Variants in STMN4 observed in about 807,000 individuals in gnomAD.
The protein encoded by STMN4 is stathmin 4, also known as stathmin-4.
Under a neutral mutation model 29.1 loss-of-function variants are expected in STMN4, and 12 were observed. The observed-to-expected ratio is 0.41, with a 90% CI of 0.26 to 0.67. The LOEUF (loss-of-function observed/expected upper bound fraction) is 0.67. STMN4 is among the 30% of genes least tolerant of loss of function. The pLI is 0.30. For synonymous variants in STMN4, 114 were observed against 105.3 expected (o/e 1.08, Z -0.51); for missense variants, 181 against 262.8 (o/e 0.69, Z 2.15).
In STMN4 at chr8:27,236,760, G is replaced by A; in HGVS notation, c.*86C>T. On this transcript the variant is annotated 3_prime_UTR_variant, in exon 7 of 7. Transcript: ENST00000350889. The stretch of plus-strand genomic sequence containing the variant: ...CCCTCCCCCCAAACCCCAGTGCTGG[G>A]AGCGCAGCCGGCGGGCGAGGCTGCC... 3.1e-6 allele frequency: 4 copies of A among 1,302,152 alleles called. No individual in the cohort carries two copies. The South Asian group carries it at 6.5e-5, about 21-fold the overall frequency. 80.7% of individuals were successfully genotyped at this position (1,302,152 alleles called of 1,614,324 possible). A position where few individuals can be genotyped will look rare whatever the true frequency, so the allele number is the denominator to read the frequency against.
chr8:27,254,198 C>A (rs1801872869), intron 1 of STMN4, among the ~76,000 whole-genome samples: 1 of 152,106 alleles, frequency 6.6e-6, no homozygotes, highest in Non-Finnish European at 1.5e-5. Flanking sequence ...ACAGAGTCTG[C>A]CTGAAAGGTG....
intron 1 of STMN4, among the ~76,000 whole-genome samples, chr8:27,244,064 G>C (rs1273569050): frequency 1.3e-5 from 2 of 152,118 alleles, no homozygotes; most frequent in Non-Finnish European, 2.9e-5. Context: ...TGCAAGCGTG[G>C]GTTTCCCAAA....
chr8:27,244,473 TA>T (rs1297364088), intron 1 of STMN4, among the ~76,000 whole-genome samples: 2 of 152,068 alleles, frequency 1.3e-5, no homozygotes, highest in Non-Finnish European at 2.9e-5. Context: ...GACACAGAGA[TA>T]GGGCTCCACA....
chr8:27,240,993 C>T, intron 5 of STMN4, 61 bp downstream of exon 5: 8 of 1,534,646 alleles, frequency 5.2e-6, no homozygotes, highest in Middle Eastern at 4.0e-4. Context: ...CACCACCTGT[C>T]TTCTCCACCT....
intron 6 of STMN4, chr8:27,239,517 A>T: frequency 1.4e-6 from 1 of 706,158 alleles, no homozygotes; most frequent in Non-Finnish European, 2.3e-6. Context: ...CAAGAGGTTT[A>T]GAGAGAATCA....
At chr8:27,240,508 T>C (rs1050819094) in intron 5 of STMN4, among the ~76,000 whole-genome samples, 1 of 152,194 alleles carries the variant, frequency 6.6e-6, no homozygotes. Context: ...AGGTAAGACA[T>C]ATATACATCA....
At chr8:27,251,561 T>C (rs1411796979) in intron 1 of STMN4, among the ~76,000 whole-genome samples, 1 of 151,838 alleles carries the variant, frequency 6.6e-6, no homozygotes, top group African/African-American at 2.4e-5. Context: ...ATTACATCTA[T>C]AGGCATATGT....
intron 6 of STMN4, 51 bp from the exon 7 acceptor site, chr8:27,236,956 C>G (rs1446688427): frequency 3.8e-6 from 6 of 1,569,242 alleles, no homozygotes; most frequent in South Asian, 2.4e-5. Context: ...TGCCCGGGGA[C>G]AAAAAGGGAG....
At chr8:27,249,375 A>G (rs986065839) in intron 1 of STMN4, among the ~76,000 whole-genome samples, 3 of 152,248 alleles carry the variant, frequency 2.0e-5, no homozygotes, top group African/African-American at 7.2e-5. Context: ...TTCAATGGTC[A>G]TGAAACTGAG....
At chr8:27,255,454 A>G (rs73239475) in intron 1 of STMN4, among the ~76,000 whole-genome samples, 9,377 of 152,286 alleles carry the variant, frequency 0.062, 402 homozygotes, top group Non-Finnish European at 0.09. Flanking sequence ...AGTCTGAAGC[A>G]TTCTTGAAAA....
intron 1 of STMN4, among the ~76,000 whole-genome samples, chr8:27,255,902 T>A (rs1384425141): frequency 6.6e-6 from 1 of 152,196 alleles, no homozygotes; most frequent in African/African-American, 2.4e-5. Flanking sequence ...CTGGCCACTA[T>A]GGACAATATG....
At chr8:27,253,277 A>G (rs921826944) in intron 1 of STMN4, among the ~76,000 whole-genome samples, 9 of 152,166 alleles carry the variant, frequency 5.9e-5, no homozygotes, top group African/African-American at 1.7e-4. Flanking sequence ...TCATTCTCCA[A>G]TGCTTTGTAA....
Position 27,236,788 on chromosome 8 carries a change from G to C in STMN4, c.*58C>G. On this transcript the variant is annotated 3_prime_UTR_variant, in exon 7 of 7. Coordinates refer to ENST00000350889, the MANE Select transcript of STMN4 (RefSeq NM_030795.4). ...CGCAGCCGGCGGGCGAGGCTGCCTG[G>C]AACGTGGAGCTGCTGGAGCTGTCCG... The C allele has an allele frequency of 2.0e-6, 3 of 1,492,120 alleles. No homozygotes were observed. The South Asian group carries it at 4.1e-5, about 20-fold the overall frequency. The allele number at this position is 1,492,120 out of a possible 1,614,324, so 92.4% of individuals were successfully genotyped here. A position where few individuals can be genotyped will look rare whatever the true frequency, so the allele number is the denominator to read the frequency against.
intron 1 of STMN4, among the ~76,000 whole-genome samples, chr8:27,247,896 G>A (rs1400771455): frequency 6.6e-6 from 1 of 152,192 alleles, no homozygotes; most frequent in Non-Finnish European, 1.5e-5. Flanking sequence ...ATCCCTCAGA[G>A]GTTCCTTATG....
chr8:27,236,926 A>G, intron 6 of STMN4, 21 bp from the exon 7 acceptor site: 1 of 1,604,268 alleles, frequency 6.2e-7, no homozygotes, highest in Non-Finnish European at 8.5e-7. Context: ...AGGGAGGGAA[A>G]AGGGCAGGTC....
intron 1 of STMN4, among the ~76,000 whole-genome samples, chr8:27,246,104 T>C (rs7844646): frequency 0.73 from 110,579 of 152,122 alleles, 40,475 homozygotes; most frequent in East Asian, 0.89. Flanking sequence ...ACTAATGCTT[T>C]CTCTATGGTC....
intron 1 of STMN4, among the ~76,000 whole-genome samples, chr8:27,248,667 T>C (rs998208726): frequency 2.6e-5 from 4 of 152,232 alleles, no homozygotes; most frequent in Admixed American, 6.5e-5. Context: ...TCTATTAGGT[T>C]CTTTGAGAAT....
chr8:27,245,469 T>C (rs1554545013), intron 1 of STMN4, among the ~76,000 whole-genome samples: 1 of 152,262 alleles, frequency 6.6e-6, no homozygotes, highest in Non-Finnish European at 1.5e-5. Context: ...TTCTTGTTGT[T>C]GTGCTTTGGA....
Position 27,240,068 on chromosome 8 carries a change from A to G in STMN4, c.494T>C (p.Ile165Thr). Residue 165 changes from isoleucine (I) to threonine (T), a missense_variant, in exon 6 of 7, where the codon ATC (isoleucine) becomes ACC (threonine). Ile to Thr is a moderately conservative substitution (Grantham distance 89, BLOSUM62 -1). Transcript: ENST00000350889. ...GGCCAGTTTTTCCTTAGCCATCTTG[A>G]TGAAGTTGTTGTTTTCCTCAATGGC... ...QKAIEENNNF[I>T]KMAKEKLAQK... The G allele has an allele frequency of 6.2e-7, 1 of 1,614,066 alleles. No individual in the cohort carries two copies. Among genetic ancestry groups the G allele is most frequent in the Non-Finnish European group, 8.5e-7 (1 of 1,180,022 alleles).
Sources: allele counts gnomAD v4.1 joint callset (sites outside exome capture counted in the v4.1 genomes callset), GRCh38; gene constraint gnomAD v4.1.1; transcripts MANE v1.5; gene names NCBI Gene and HGNC (gene_info 2026-07-23, HGNC 2026-07-21).